The following CDH9 variants were observed in gnomAD, a reference collection of about 807,000 sequenced individuals.
CDH9 encodes cadherin-9.
Under a neutral mutation model 70.9 loss-of-function variants are expected in CDH9, and 28 were observed. That is an observed-to-expected ratio of 0.40 (90% CI 0.29 to 0.54). CDH9 has a LOEUF of 0.54. Among genes scored for constraint, CDH9 ranks in the 20% least tolerant of loss-of-function variants. The probability of loss-of-function intolerance (pLI) is 0.59; values close to 1 mark genes in which losing one functional copy is unlikely to be tolerated. For missense variants in CDH9, 874 were observed against 984.4 expected, an observed-to-expected ratio of 0.89 and a Z score of 1.50; for synonymous variants, 409 against 343.1, an observed-to-expected ratio of 1.19 and a Z score of -2.12.
chr5:26,944,063 G>A (rs995942138), intron 2 of CDH9, among the ~76,000 whole-genome samples: 2 of 151,692 alleles, frequency 1.3e-5, no homozygotes, highest in African/African-American at 4.8e-5. Flanking sequence ...TGTTATTTTT[G>A]CTTTGCTCAT....
intron 3 of CDH9, among the ~76,000 whole-genome samples, chr5:26,910,395 T>G (rs574076180): frequency 1.5e-4 from 23 of 152,334 alleles, no homozygotes; most frequent in Non-Finnish European, 2.8e-4. Flanking sequence ...AAATACTGCC[T>G]TTATTCTTCT....
intron 7 of CDH9, among the ~76,000 whole-genome samples, chr5:26,891,689 A>AACAAACAC (rs1740662840): frequency 1.3e-5 from 2 of 151,648 alleles, no homozygotes; most frequent in South Asian, 4.2e-4. Context: ...AAAACAAACA[A>AACAAACAC]ACAAACAAAC....
Position 26,985,207 on chromosome 5 carries a change from G to A in CDH9, c.228+2899C>T, listed in dbSNP as rs896548200. ...TTTTCTTTTATTGTGCTATATACAC[G>A]CAATTCTACCTTCTTAGATTTGTCC... On this transcript the variant is annotated intron_variant, in intron 2 of 11. Coordinates refer to ENST00000231021, the MANE Select transcript of CDH9 (RefSeq NM_016279.4). Among the ~76,000 whole-genome samples, 11 of 151,980 alleles carry A rather than the reference G, an allele frequency of 7.2e-5. 1 individual carries two copies. In the South Asian group the frequency reaches 1.5e-3, roughly 20 times the overall value.
chr5:27,004,113 A>G (rs1459840896), intron 1 of CDH9, among the ~76,000 whole-genome samples: 2 of 47,502 alleles, frequency 4.2e-5, no homozygotes, highest in African/African-American at 8.3e-5. Flanking sequence ...CCTCTCTGAA[A>G]AAAAAAAAAA....
At chr5:27,007,794 T>C (rs1742891921) in intron 1 of CDH9, among the ~76,000 whole-genome samples, 1 of 152,142 alleles carries the variant, frequency 6.6e-6, no homozygotes, top group African/African-American at 2.4e-5. Context: ...TTTAGTATAA[T>C]ATTTGTTTTC....
At chr5:27,003,808 GA>G (rs1375376837) in intron 1 of CDH9, among the ~76,000 whole-genome samples, 4 of 151,726 alleles carry the variant, frequency 2.6e-5, no homozygotes, top group African/African-American at 9.7e-5. Flanking sequence ...AATCTTAGAA[GA>G]AAAAACATAG....
rs1470397910 is a variant in CDH9 at position 26,890,883 on chromosome 5, G to A, written c.1254-319C>T. ...ATCGTAGGCCTACTGCAGTGCTTGAGACACTTTAAACAGTAATGTTAAACT... is the reference window on the plus strand; with the variant it reads ...ATCGTAGGCCTACTGCAGTGCTTGAAACACTTTAAACAGTAATGTTAAACT... On this transcript the variant is annotated intron_variant, in intron 7 of 11. Transcript: ENST00000231021. The A allele has an allele frequency of 3.6e-5, 8 of 222,222 alleles. No homozygotes were observed. The East Asian group carries it at 7.7e-4, about 21-fold the overall frequency. The allele number at this position is 222,222 out of a possible 1,614,324, so 13.8% of individuals were successfully genotyped here.
At chr5:26,982,471 T>A (rs535866361) in intron 2 of CDH9, among the ~76,000 whole-genome samples, 2 of 152,284 alleles carry the variant, frequency 1.3e-5, no homozygotes, top group African/African-American at 4.8e-5. Context: ...TTTTCTATTT[T>A]TCATAATGTC....
At chr5:26,922,751 C>G (rs563957488) in intron 2 of CDH9, among the ~76,000 whole-genome samples, 5 of 151,824 alleles carry the variant, frequency 3.3e-5, no homozygotes, top group Admixed American at 2.0e-4. Context: ...CATATCTTGA[C>G]TAGAAAGATA....
intron 2 of CDH9, among the ~76,000 whole-genome samples, chr5:26,920,637 G>A (rs968155298): frequency 5.3e-5 from 8 of 152,042 alleles, no homozygotes; most frequent in South Asian, 4.1e-4. Flanking sequence ...GCAGCTCAGC[G>A]CAGGGAGACA....
chr5:27,007,168 G>C (rs1369095525), intron 1 of CDH9, among the ~76,000 whole-genome samples: 1 of 152,110 alleles, frequency 6.6e-6, no homozygotes, highest in South Asian at 2.1e-4. Flanking sequence ...ACATGAGCCA[G>C]CCTACACAAA....
chr5:26,897,455 A>T (rs572613463), intron 7 of CDH9, among the ~76,000 whole-genome samples: 2 of 152,318 alleles, frequency 1.3e-5, no homozygotes, highest in East Asian at 3.9e-4. Context: ...GCAGCAAATC[A>T]AAAAGCTTAT....
chr5:27,034,463 T>C (rs887034348), intron 1 of CDH9, among the ~76,000 whole-genome samples: 1 of 151,774 alleles, frequency 6.6e-6, no homozygotes, highest in East Asian at 1.9e-4. Context: ...GCTAAATTAA[T>C]AGGATAGAAA....
intron 1 of CDH9, among the ~76,000 whole-genome samples, chr5:27,006,305 G>A (rs1202098435): frequency 6.6e-6 from 1 of 151,954 alleles, no homozygotes; most frequent in East Asian, 1.9e-4. Context: ...TTCATTTTCA[G>A]GTCTTCTTCA....
intron 2 of CDH9, among the ~76,000 whole-genome samples, chr5:26,952,458 CAAAAAAAAAAAAAAAAAA>C (rs766973787): frequency 6.0e-4 from 6 of 9,960 alleles, no homozygotes; most frequent in Non-Finnish European, 1.3e-3. Context: ...ACTAAAAATA[CAAAAAAAAAAAAAAAAAA>C]AAAAAAAAAA....
chr5:27,003,466 GA>G (rs1427284488), intron 1 of CDH9, among the ~76,000 whole-genome samples: 3 of 152,000 alleles, frequency 2.0e-5, no homozygotes, highest in African/African-American at 7.2e-5. Context: ...TTCCAGTGGA[GA>G]AATCTGACAA....
At chr5:26,929,537 C>T (rs1741403849) in intron 2 of CDH9, among the ~76,000 whole-genome samples, 1 of 152,060 alleles carries the variant, frequency 6.6e-6, no homozygotes, top group Non-Finnish European at 1.5e-5. Flanking sequence ...GACATCTGCA[C>T]TCTCATGTTT....
chr5:26,912,088 G>C (rs2112000885), intron 3 of CDH9, among the ~76,000 whole-genome samples: 1 of 152,194 alleles, frequency 6.6e-6, no homozygotes, highest in East Asian at 1.9e-4. Flanking sequence ...TATTCCATAA[G>C]ACTCTATTTC....
chr5:26,948,440 T>C (rs1741790551), intron 2 of CDH9, among the ~76,000 whole-genome samples: 1 of 152,182 alleles, frequency 6.6e-6, no homozygotes, highest in Non-Finnish European at 1.5e-5. Context: ...TGGTTACAAG[T>C]CCCCAAAGAC....
Sources: gnomAD v4.1 joint callset for allele counts (sites outside exome capture counted in the v4.1 genomes callset) on GRCh38, gnomAD v4.1.1 for gene constraint, MANE v1.5 for transcripts, NCBI Gene and HGNC (gene_info 2026-07-23, HGNC 2026-07-21) for gene names.